GTF3C1: variants seen among roughly 807,000 people sequenced by gnomAD.
GTF3C1 encodes general transcription factor IIIC subunit 1, also known as general transcription factor 3C polypeptide 1.
A neutral mutation model predicts 226.7 loss-of-function variants in GTF3C1; 57 were observed. The observed-to-expected ratio is 0.25, with a 90% CI of 0.20 to 0.31. The LOEUF (loss-of-function observed/expected upper bound fraction) is 0.31. Among genes scored for constraint, GTF3C1 ranks in the 10% least tolerant of loss-of-function variants. The pLI is 1.00. For missense variants in GTF3C1, 2,217 were observed against 2,776.1 expected (o/e 0.80, Z 4.53); for synonymous variants, 1,090 against 1,084.8 (o/e 1.00, Z -0.09).
chr16:27,519,264 T>A (rs2088709019), intron 6 of GTF3C1, among the ~76,000 whole-genome samples: 1 of 152,034 alleles, frequency 6.6e-6, no homozygotes, highest in South Asian at 2.1e-4. Flanking sequence ...AGGGCAGGAA[T>A]GAAGGTGAGG....
chr16:27,464,285 GGGTGA>G, intron 34 of GTF3C1, 30 bp downstream of exon 34: 1 of 1,382,236 alleles, frequency 7.2e-7, no homozygotes, highest in African/African-American at 1.5e-5. Context: ...AGCCAGGGTG[GGGTGA>G]GGTGGGGTGG....
intron 34 of GTF3C1, 180 bp downstream of exon 34, chr16:27,464,140 A>C: frequency 4.4e-6 from 2 of 452,134 alleles, no homozygotes; most frequent in Non-Finnish European, 7.6e-6. Context: ...CTCCCCTGGA[A>C]ATGCATTTAC....
intron 32 of GTF3C1, among the ~76,000 whole-genome samples, chr16:27,468,622 T>C (rs2141345953): frequency 6.6e-6 from 1 of 151,196 alleles, no homozygotes; most frequent in East Asian, 2.0e-4. Flanking sequence ...ATAGGCTTGG[T>C]GTGGTGGTTC....
intron 6 of GTF3C1, among the ~76,000 whole-genome samples, chr16:27,515,764 C>T (rs963190269): frequency 9.2e-5 from 14 of 152,312 alleles, no homozygotes; most frequent in Admixed American, 6.5e-4. Flanking sequence ...CTCTGTCTCA[C>T]GGGGTTAATG....
rs538862944 is a variant in GTF3C1 at position 27,487,214 on chromosome 16, C to A, written c.3700+1013G>T. 1.1e-3 allele frequency among the ~76,000 whole-genome samples: 175 copies of A among 152,284 alleles called. 2 individuals carry two copies. Among genetic ancestry groups the A allele is most frequent in the Non-Finnish European group, 2.2e-3 (152 of 68,026 alleles). On this transcript the variant is annotated intron_variant, in intron 23 of 36. Coordinates refer to ENST00000356183, the MANE Select transcript of GTF3C1 (RefSeq NM_001520.4). The stretch of plus-strand genomic sequence containing the variant: ...TGGTCTTACACATATCTACGACAGG[C>A]GAAACTGAGGGGGCCATTTCAACTG...
At chr16:27,522,912 C>T (rs1440011182) in intron 6 of GTF3C1, among the ~76,000 whole-genome samples, 1 of 152,128 alleles carries the variant, frequency 6.6e-6, no homozygotes, top group Non-Finnish European at 1.5e-5. Flanking sequence ...CAATGGACTT[C>T]TGTATACCGA....
intron 7 of GTF3C1, among the ~76,000 whole-genome samples, chr16:27,510,151 C>T (rs545179091): frequency 8.5e-5 from 13 of 152,048 alleles, no homozygotes; most frequent in South Asian, 2.1e-4. Flanking sequence ...TTTAGGAGGC[C>T]GAGGCAGGTG....
At chr16:27,546,374 T>C (rs2089162211) in intron 1 of GTF3C1, among the ~76,000 whole-genome samples, 1 of 151,874 alleles carries the variant, frequency 6.6e-6, no homozygotes, top group Non-Finnish European at 1.5e-5. Context: ...AGTCCCTTCT[T>C]TCCCCTCTTA....
In GTF3C1 at chr16:27,489,174, T is replaced by C. The variant is rs1215864498; in HGVS notation, c.3298A>G (p.Ser1100Gly). ...KCAMLEYTTG[S>G]REVVDEGLIP... ...AAGCCTTCATCCACCACCTCACGGC[T>C]TCCACTAAAAGACAGGAAATCAACA... Residue 1100 changes from serine to glycine, a missense_variant, in exon 21 of 37, where the codon AGC becomes GGC. Ser to Gly is a moderately conservative substitution (Grantham distance 56, BLOSUM62 0). Coordinates refer to ENST00000356183, the MANE Select transcript of GTF3C1 (RefSeq NM_001520.4). 6 of 1,613,982 alleles carry C rather than the reference T, an allele frequency of 3.7e-6. No homozygotes were observed. The highest frequency in any genetic ancestry group is 5.1e-6 in the Non-Finnish European group (6 of 1,179,918).
At position 27,461,951 on chromosome 16, in the gene GTF3C1, AG is replaced by A. The variant is rs1443912282; in HGVS notation, c.6117+342del. On this transcript the variant is annotated intron_variant, in intron 36 of 36. Coordinates refer to ENST00000356183, the MANE Select transcript of GTF3C1 (RefSeq NM_001520.4). The surrounding 1 kb of genome is among the most constrained non-coding windows in gnomAD (Gnocchi z 5.3). Reference sequence around the variant, plus strand: ...AGCTGCCAGAGGAGCTGGAGGCCCCAGGCACACATGGGAGTCAGCCAAGCAG... The same window carrying A: ...AGCTGCCAGAGGAGCTGGAGGCCCCAGCACACATGGGAGTCAGCCAAGCAG... 7.8e-6 allele frequency: 3 copies of A among 385,614 alleles called. No homozygotes were observed. Among genetic ancestry groups the A allele is most frequent in the Non-Finnish European group, 1.4e-5 (3 of 211,694 alleles). The allele number at this position is 385,614 out of a possible 1,614,324, so 23.9% of individuals were successfully genotyped here. A position where few individuals can be genotyped will look rare whatever the true frequency, so the allele number is the denominator to read the frequency against.
chr16:27,464,308 G>GGC lies in GTF3C1; in HGVS notation c.5872+10_5872+11dup, dbSNP rs765613774. The GGC allele has an allele frequency of 6.2e-6, 9 of 1,445,080 alleles. No homozygotes were observed. In the East Asian group the frequency reaches 2.1e-4, roughly 34 times the overall value. 89.5% of individuals were successfully genotyped at this position (1,445,080 alleles called of 1,614,324 possible). On this transcript the variant is annotated intron_variant, in intron 34 of 36. Coordinates refer to ENST00000356183, the MANE Select transcript of GTF3C1 (RefSeq NM_001520.4). ...TGGGGTGAGGTGGGGTGGGGGACAA[G>GGC]GCGCGCGGTACCTCTGGGGTCTTCA...
At chr16:27,474,012 G>T (rs1030829586) in intron 29 of GTF3C1, among the ~76,000 whole-genome samples, 4 of 152,242 alleles carry the variant, frequency 2.6e-5, no homozygotes, top group Non-Finnish European at 5.9e-5. Context: ...TGTGTGGTGA[G>T]TTGGGGGGTA....
intron 28 of GTF3C1, among the ~76,000 whole-genome samples, chr16:27,477,127 C>A (rs1032433127): frequency 6.6e-6 from 1 of 152,168 alleles, no homozygotes; most frequent in South Asian, 2.1e-4. Flanking sequence ...TTCTGCAATG[C>A]GGTCTGAACT....
intron 28 of GTF3C1, among the ~76,000 whole-genome samples, chr16:27,477,022 G>C (rs1041434448): frequency 1.2e-4 from 18 of 152,184 alleles, no homozygotes; most frequent in Admixed American, 7.2e-4. Flanking sequence ...GATATTCAAG[G>C]CTAGGGGGTC....
At position 27,492,816 on chromosome 16, in the gene GTF3C1, C is replaced by T; in HGVS notation, c.2877-103G>A. Reference sequence around the variant, plus strand: ...GGGTGCGACTTCCTTCTTCTCTTTTCCACCTGGTGGTCACTGGAGGACCAG... The same window carrying T: ...GGGTGCGACTTCCTTCTTCTCTTTTTCACCTGGTGGTCACTGGAGGACCAG... On this transcript the variant is annotated intron_variant, in intron 17 of 36. Coordinates refer to ENST00000356183, the MANE Select transcript of GTF3C1 (RefSeq NM_001520.4). This position sits in a 1 kb window ranked among gnomAD's most constrained non-coding sequence, Gnocchi z 5.0. The T allele has an allele frequency of 1.3e-6, 1 of 750,688 alleles. No individual in the cohort carries two copies. The highest frequency in any genetic ancestry group is 1.9e-5 in the Admixed American group (1 of 51,610). 46.5% of individuals were successfully genotyped at this position (750,688 alleles called of 1,614,324 possible).
intron 7 of GTF3C1, among the ~76,000 whole-genome samples, chr16:27,509,875 G>A (rs750593019): frequency 7.9e-5 from 12 of 151,908 alleles, no homozygotes; most frequent in Non-Finnish European, 1.3e-4. Flanking sequence ...TGTTGTACAC[G>A]CATAAAAATA....
Position 27,528,585 on chromosome 16 carries a change from GACTCTGCATT to G in GTF3C1, c.973+3_973+12del. 6.2e-7 allele frequency: 1 copy of G among 1,606,732 alleles called. No homozygotes were observed. Among genetic ancestry groups the G allele is most frequent in the Non-Finnish European group, 8.5e-7 (1 of 1,173,980 alleles). On this transcript the variant is annotated splice_donor_5th_base_variant and intron_variant, in intron 6 of 36. Transcript: ENST00000356183. ...AGCCAGCCAAGGGAACAGAAGCTGAGACTCTGCATTACCTTTCTTTGTCTTACAAGGTCCA... is the reference window on the plus strand; with the variant it reads ...AGCCAGCCAAGGGAACAGAAGCTGAGACCTTTCTTTGTCTTACAAGGTCCA...
chr16:27,491,936 C>T (rs149634479), intron 19 of GTF3C1, among the ~76,000 whole-genome samples: 1 of 152,178 alleles, frequency 6.6e-6, no homozygotes, highest in Non-Finnish European at 1.5e-5. Flanking sequence ...CCACCCCAAC[C>T]AACACCTAGG....
At chr16:27,488,972 C>A (rs2088187922) in intron 21 of GTF3C1, 71 bp downstream of exon 21, 2 of 1,400,286 alleles carry the variant, frequency 1.4e-6, no homozygotes, top group African/African-American at 1.4e-5. Context: ...TGTCTCTGGT[C>A]AGGCAGGGAG....
Sources: allele counts gnomAD v4.1 joint callset (sites outside exome capture counted in the v4.1 genomes callset), GRCh38; gene constraint gnomAD v4.1.1; non-coding constraint Gnocchi (gnomAD v3.1); transcripts MANE v1.5; gene names NCBI Gene and HGNC (gene_info 2026-07-23, HGNC 2026-07-21).